Variants in UBR3 observed in about 807,000 individuals in gnomAD.
The protein encoded by UBR3 is E3 ubiquitin-protein ligase UBR3.
UBR3 carries 85 observed loss-of-function variants against 243.2 expected under a neutral mutation model. The ratio of observed to expected loss-of-function variants is 0.35; its 90% CI spans 0.29 to 0.42. The LOEUF is 0.42. Among genes scored for constraint, UBR3 ranks in the 10% least tolerant of loss-of-function variants. The pLI is 1.00. For missense variants in UBR3, 1,686 were observed against 2,300.8 expected, an observed-to-expected ratio of 0.73 and a Z score of 5.47; for synonymous variants, 748 against 799.8, an observed-to-expected ratio of 0.94 and a Z score of 1.09.
At chr2:170,010,432 A>G (rs2105407167) in intron 29 of UBR3, among the ~76,000 whole-genome samples, 1 of 152,314 alleles carries the variant, frequency 6.6e-6, no homozygotes, top group Admixed American at 6.5e-5. Context: ...CTTTTAAGAA[A>G]ATCTTTATTG....
chr2:170,028,688 G>GT (rs1273080698), intron 30 of UBR3, among the ~76,000 whole-genome samples: 3 of 20,154 alleles, frequency 1.5e-4, no homozygotes, highest in Admixed American at 7.5e-4. Flanking sequence ...CAATACTTAG[G>GT]GTTTTTTTTT....
intron 32 of UBR3, among the ~76,000 whole-genome samples, chr2:170,049,531 C>T (rs1239619713): frequency 1.3e-5 from 2 of 152,030 alleles, no homozygotes; most frequent in Non-Finnish European, 2.9e-5. Flanking sequence ...TGGAGTGTAT[C>T]TCCTGAGGAT....
chr2:169,951,097 G>C (rs181284694), intron 23 of UBR3, among the ~76,000 whole-genome samples: 2 of 152,098 alleles, frequency 1.3e-5, no homozygotes, highest in East Asian at 1.9e-4. Flanking sequence ...CACATTTCCC[G>C]TTAGGGAGGG....
chr2:169,949,646 T>A lies in UBR3; in HGVS notation c.3126T>A (p.Arg1042=), dbSNP rs748823262. 65 of 1,550,184 alleles carry A rather than the reference T, an allele frequency of 4.2e-5. No homozygotes were observed. Among genetic ancestry groups the A allele is most frequent in the Non-Finnish European group, 5.3e-5 (61 of 1,146,304 alleles). The change falls in exon 23 of 39, where the codon CGT becomes CGA. Residue 1042 remains arginine, a synonymous_variant. Coordinates refer to ENST00000272793, the MANE Select transcript of UBR3 (RefSeq NM_172070.4). ...TAQVFSLVAE[R]RKKFQEIINR... The stretch of plus-strand genomic sequence containing the variant: ...AAGTTTTCAGTTTAGTAGCAGAACG[T>A]AGAAAGAAATTTCAGGAAATCATCA...
chr2:170,081,622 G>A (rs778967855), intron 38 of UBR3, 104 bp from the exon 39 acceptor site: 19 of 714,080 alleles, frequency 2.7e-5, no homozygotes, highest in Middle Eastern at 3.8e-4. Flanking sequence ...CCCAGGAGGC[G>A]GAGGTTGCAC....
chr2:169,891,480 A>G (rs1362565284), intron 6 of UBR3, among the ~76,000 whole-genome samples: 2 of 152,082 alleles, frequency 1.3e-5, no homozygotes, highest in African/African-American at 4.8e-5. Context: ...AAGTCTTTTC[A>G]TTGATTGACT....
At chr2:169,982,597 A>G (rs1476977954) in intron 24 of UBR3, among the ~76,000 whole-genome samples, 1 of 152,122 alleles carries the variant, frequency 6.6e-6, no homozygotes, top group African/African-American at 2.4e-5. Flanking sequence ...GATATTAAAG[A>G]TAAAAATCAT....
At chr2:169,981,162 C>T (rs1293080735) in intron 24 of UBR3, among the ~76,000 whole-genome samples, 2 of 151,832 alleles carry the variant, frequency 1.3e-5, no homozygotes, top group Non-Finnish European at 2.9e-5. Context: ...AGAAGAATAC[C>T]TAGTATTTTA....
intron 9 of UBR3, among the ~76,000 whole-genome samples, chr2:169,905,593 TA>T (rs1169216250): frequency 1.3e-5 from 2 of 152,238 alleles, no homozygotes; most frequent in Admixed American, 1.3e-4. Context: ...CAGGCTGGTC[TA>T]GTACTCCTGG....
At chr2:169,850,475 G>A (rs371395328) in intron 1 of UBR3, among the ~76,000 whole-genome samples, 111 of 142,510 alleles carry the variant, frequency 7.8e-4, no homozygotes, top group African/African-American at 2.7e-3. Context: ...CACCGCACCC[G>A]GCCTGCTCTG....
chr2:169,891,623 C>CAG (rs71955265), intron 6 of UBR3, among the ~76,000 whole-genome samples: 2 of 151,550 alleles, frequency 1.3e-5, no homozygotes, highest in Non-Finnish European at 2.9e-5. Flanking sequence ...GACACACACA[C>CAG]ACACACACAC....
intron 1 of UBR3, among the ~76,000 whole-genome samples, chr2:169,860,969 G>A (rs377333060): frequency 6.6e-6 from 1 of 152,188 alleles, no homozygotes; most frequent in Non-Finnish European, 1.5e-5. Flanking sequence ...AAGTCCAAGC[G>A]TCCAAAAGCT....
chr2:169,886,081 C>T (rs1428139973), intron 5 of UBR3, among the ~76,000 whole-genome samples: 4 of 148,672 alleles, frequency 2.7e-5, no homozygotes, highest in Non-Finnish European at 4.4e-5. Flanking sequence ...CGCTTGAACC[C>T]GGGAGGTGGA....
intron 10 of UBR3, among the ~76,000 whole-genome samples, chr2:169,908,621 T>G (rs956288471): frequency 1.3e-5 from 2 of 152,180 alleles, no homozygotes; most frequent in African/African-American, 4.8e-5. Flanking sequence ...CAGAAGCTTT[T>G]GTAAGTGCTC....
At chr2:169,853,778 T>G (rs1279507185) in intron 1 of UBR3, among the ~76,000 whole-genome samples, 2 of 34,116 alleles carry the variant, frequency 5.9e-5, no homozygotes, top group East Asian at 7.0e-4. Context: ...GGGACTTCGT[T>G]TTTTTTTTGT....
At chr2:170,011,876 T>C (rs777877889) in intron 29 of UBR3, among the ~76,000 whole-genome samples, 74 of 152,078 alleles carry the variant, frequency 4.9e-4, no homozygotes, top group Non-Finnish European at 1.6e-4. Context: ...GGGAAGAAGG[T>C]TTTCTTTTTT....
chr2:169,952,753 T>G (rs565866636), intron 23 of UBR3, among the ~76,000 whole-genome samples: 25 of 151,944 alleles, frequency 1.6e-4, no homozygotes, highest in Admixed American at 3.9e-4. Context: ...TATGGTAGAT[T>G]AAGAATTTAG....
intron 24 of UBR3, among the ~76,000 whole-genome samples, chr2:169,974,747 AG>A (rs1444082263): frequency 1.3e-5 from 2 of 152,038 alleles, no homozygotes; most frequent in Admixed American, 6.6e-5. Context: ...ATACATTATT[AG>A]GTTGTTTATT....
At chr2:169,919,886 G>C (rs1389833920) in intron 11 of UBR3, among the ~76,000 whole-genome samples, 1 of 152,154 alleles carries the variant, frequency 6.6e-6, no homozygotes, top group East Asian at 1.9e-4. Flanking sequence ...TTCAACCATT[G>C]TGGAAGTCAG....
Sources: allele counts gnomAD v4.1 joint callset (sites outside exome capture counted in the v4.1 genomes callset), GRCh38; gene constraint gnomAD v4.1.1; transcripts MANE v1.5; gene names NCBI Gene and HGNC (gene_info 2026-07-23, HGNC 2026-07-21).